Variants in TBC1D15 observed in about 807,000 individuals in gnomAD.
The protein encoded by TBC1D15 is TBC1 domain family member 15, also known as GAP for RAB7.
Under a neutral mutation model 95.4 loss-of-function variants are expected in TBC1D15, and 39 were observed. The ratio of observed to expected loss-of-function variants is 0.41; its 90% CI spans 0.32 to 0.53. The LOEUF (loss-of-function observed/expected upper bound fraction) is 0.53, where lower values mean the gene tolerates loss of function less well. Among genes scored for constraint, TBC1D15 ranks in the 20% least tolerant of loss-of-function variants. TBC1D15 has a pLI of 0.29. For synonymous variants in TBC1D15, 258 were observed against 261.3 expected (o/e 0.99, Z 0.12); for missense variants, 733 against 794.3 (o/e 0.92, Z 0.93).
At chr12:71,849,383 TC>T in intron 1 of TBC1D15, 1 of 1,392,148 alleles carries the variant, frequency 7.2e-7, no homozygotes, top group Non-Finnish European at 1.0e-6. Flanking sequence ...AGCAGGCGCC[TC>T]CAGCTGAGCC....
intron 1 of TBC1D15, chr12:71,861,490 G>A (rs762210520): frequency 1.3e-6 from 2 of 1,536,022 alleles, no homozygotes; most frequent in Non-Finnish European, 1.8e-6. Context: ...AGTATGGTAG[G>A]AGTATGGTAG....
At chr12:71,910,940 A>G (rs1056150189) in intron 11 of TBC1D15, among the ~76,000 whole-genome samples, 3 of 152,036 alleles carry the variant, frequency 2.0e-5, no homozygotes, top group African/African-American at 7.2e-5. Flanking sequence ...AAAACAAACA[A>G]CCCCATCAAA....
intron 1 of TBC1D15, among the ~76,000 whole-genome samples, chr12:71,856,643 G>C (rs1889148756): frequency 1.3e-5 from 2 of 151,240 alleles, no homozygotes; most frequent in South Asian, 4.2e-4. Context: ...TCAAATCTTA[G>C]GTAGTAGAAA....
chr12:71,903,828 AAAC>A (rs148776146), intron 10 of TBC1D15, among the ~76,000 whole-genome samples: 3,894 of 152,238 alleles, frequency 0.026, 174 homozygotes, highest in African/African-American at 0.089. Context: ...ACAAAAAAGG[AAAC>A]AGTAGACACT....
At chr12:71,875,980 T>G (rs2138377457) in intron 3 of TBC1D15, among the ~76,000 whole-genome samples, 1 of 152,098 alleles carries the variant, frequency 6.6e-6, no homozygotes. Context: ...TTTGCATTTT[T>G]AGGAGAGACG....
chr12:71,876,289 T>C (rs1893796258), intron 3 of TBC1D15, among the ~76,000 whole-genome samples: 1 of 152,182 alleles, frequency 6.6e-6, no homozygotes, highest in Non-Finnish European at 1.5e-5. Context: ...AATAACATTC[T>C]TCTAACACTG....
At chr12:71,862,518 T>G (rs1487908696) in intron 1 of TBC1D15, among the ~76,000 whole-genome samples, 3 of 152,228 alleles carry the variant, frequency 2.0e-5, no homozygotes, top group African/African-American at 7.2e-5. Context: ...TTGGTTTCAG[T>G]CTGTAGGTGT....
chr12:71,868,517 A>T (rs1242074289), intron 1 of TBC1D15, among the ~76,000 whole-genome samples: 1 of 152,102 alleles, frequency 6.6e-6, no homozygotes, highest in East Asian at 1.9e-4. Context: ...AAGTGCTGGG[A>T]TTACAGGTGT....
intron 3 of TBC1D15, among the ~76,000 whole-genome samples, chr12:71,876,080 A>C (rs1406704234): frequency 6.6e-6 from 1 of 152,216 alleles, no homozygotes; most frequent in Non-Finnish European, 1.5e-5. Flanking sequence ...GGCGTGAGAC[A>C]CTACACCTAG....
chr12:71,896,568 T>C (rs1898227020), intron 8 of TBC1D15, 109 bp from the exon 9 acceptor site: 2 of 849,422 alleles, frequency 2.4e-6, no homozygotes, highest in African/African-American at 3.4e-5. Flanking sequence ...TATTTACATA[T>C]ATGAAACTAC....
Position 71,839,805 on chromosome 12 carries a change from C to T in TBC1D15, c.24C>T (p.Ser8=), listed in dbSNP as rs551848485. 3 of 1,614,126 alleles carry T rather than the reference C, an allele frequency of 1.9e-6. No homozygotes were observed. The highest frequency in any genetic ancestry group is 2.2e-5 in the South Asian group (2 of 91,078). The change falls in exon 1 of 17, where the codon AGC becomes AGT. Residue 8 remains serine, a synonymous_variant. Coordinates refer to ENST00000485960, the MANE Select transcript of TBC1D15 (RefSeq NM_001146213.3). MAAAGVV[S]GKIIYEQEGV... is the part of the protein sequence containing the mutation. The stretch of plus-strand genomic sequence containing the variant: ...ACATGGCGGCGGCGGGTGTTGTGAG[C>T]GGGAAGGTAGGTAACGGCCTCCAGG...
chr12:71,843,798 A>G (rs1885655146), intron 1 of TBC1D15, among the ~76,000 whole-genome samples: 2 of 152,118 alleles, frequency 1.3e-5, no homozygotes, highest in Non-Finnish European at 2.9e-5. Flanking sequence ...TTGGCACACC[A>G]ATATCCTTGA....
At position 71,923,396 on chromosome 12, in the gene TBC1D15, C is replaced by T. The variant is rs963189504; in HGVS notation, c.*192C>T. On this transcript the variant is annotated 3_prime_UTR_variant, in exon 17 of 17. Coordinates refer to ENST00000485960, the MANE Select transcript of TBC1D15 (RefSeq NM_001146213.3). The stretch of plus-strand genomic sequence containing the variant: ...TTTTGTAGTTACTTCTACCAAATAG[C>T]CTTTCCTTTTCGATAACATTCCTCA... 5.7e-6 allele frequency: 3 copies of T among 523,332 alleles called. No homozygotes were observed. Among genetic ancestry groups the T allele is most frequent in the African/African-American group, 5.7e-5 (3 of 52,444 alleles). The allele number at this position is 523,332 out of a possible 1,614,324, so 32.4% of individuals were successfully genotyped here.
At chr12:71,867,086 C>T (rs1395249447) in intron 1 of TBC1D15, among the ~76,000 whole-genome samples, 1 of 152,164 alleles carries the variant, frequency 6.6e-6, no homozygotes, top group Non-Finnish European at 1.5e-5. Context: ...AAGGGTTAAG[C>T]TTCTTGTGTA....
chr12:71,845,890 T>A (rs980534089), intron 1 of TBC1D15, among the ~76,000 whole-genome samples: 4 of 152,098 alleles, frequency 2.6e-5, no homozygotes, highest in Non-Finnish European at 5.9e-5. Flanking sequence ...TGGAAATAAA[T>A]AAAAATTATA....
chr12:71,853,550 A>G (rs528689710), intron 1 of TBC1D15, among the ~76,000 whole-genome samples: 2 of 152,320 alleles, frequency 1.3e-5, no homozygotes, highest in South Asian at 2.1e-4. Context: ...TTTTGTGGTC[A>G]ATTGTAATTG....
rs182788952 is a variant in TBC1D15, at chr12:71,918,259, C to T, written c.1502-192C>T. 2.1e-3 allele frequency among the ~76,000 whole-genome samples: 321 copies of T among 152,306 alleles called. 1 individual carries two copies. Among genetic ancestry groups the T allele is most frequent in the African/African-American group, 6.3e-3 (263 of 41,582 alleles). On this transcript the variant is annotated intron_variant, in intron 13 of 16. Coordinates refer to ENST00000485960, the MANE Select transcript of TBC1D15 (RefSeq NM_001146213.3). Reference sequence around the variant, plus strand: ...GTATAATTCTGCCTTAAACTTGATTCGTAAAATGTATTATTTGTTAGTTTT... The same window carrying T: ...GTATAATTCTGCCTTAAACTTGATTTGTAAAATGTATTATTTGTTAGTTTT...
At chr12:71,902,566 A>G (rs1217524634) in intron 10 of TBC1D15, among the ~76,000 whole-genome samples, 4 of 152,222 alleles carry the variant, frequency 2.6e-5, no homozygotes, top group Admixed American at 2.0e-4. Context: ...TTCACCATAT[A>G]CAAAAATCAG....
intron 1 of TBC1D15, among the ~76,000 whole-genome samples, chr12:71,860,969 G>A (rs954331984): frequency 6.6e-6 from 1 of 152,128 alleles, no homozygotes; most frequent in Admixed American, 6.5e-5. Context: ...ATGATCGTAT[G>A]ATTTTTATCC....
Sources: allele counts gnomAD v4.1 joint callset (sites outside exome capture counted in the v4.1 genomes callset), GRCh38; gene constraint gnomAD v4.1.1; transcripts MANE v1.5; gene names NCBI Gene and HGNC (gene_info 2026-07-23, HGNC 2026-07-21).